The following IGF2BP1 variants were observed in gnomAD, a reference collection of about 807,000 sequenced individuals.
The protein encoded by IGF2BP1 is insulin-like growth factor 2 mRNA-binding protein 1.
A neutral mutation model predicts 74.9 loss-of-function variants in IGF2BP1; 11 were observed. The ratio of observed to expected loss-of-function variants is 0.15; its 90% CI spans 0.09 to 0.24. The LOEUF is 0.24. Among genes scored for constraint, IGF2BP1 ranks in the 10% least tolerant of loss-of-function variants. IGF2BP1 has a pLI of 1.00. For synonymous variants in IGF2BP1, 287 were observed against 281.8 expected (o/e 1.02, Z -0.18); for missense variants, 440 against 757.4 (o/e 0.58, Z 4.92).
intron 2 of IGF2BP1, among the ~76,000 whole-genome samples, chr17:49,020,019 C>G (rs8070176): frequency 1.2e-5 from 1 of 85,886 alleles, no homozygotes; most frequent in African/African-American, 5.1e-5. Context: ...CATATATATA[C>G]ACACACACAC....
chr17:49,043,938 C>A (rs2042081779), intron 10 of IGF2BP1, 29 bp from the exon 11 acceptor site: 1 of 1,610,644 alleles, frequency 6.2e-7, no homozygotes, highest in South Asian at 1.1e-5. Flanking sequence ...ACTTGGGCCC[C>A]CTGGTAACAA....
At chr17:49,042,421 T>G (rs993138930) in intron 9 of IGF2BP1, 44 bp downstream of exon 9, 4 of 1,611,684 alleles carry the variant, frequency 2.5e-6, no homozygotes, top group Non-Finnish European at 3.4e-6. Context: ...TCCTGAGTCT[T>G]AGCAACAGCA....
At chr17:49,007,731 T>G (rs2041566906) in intron 2 of IGF2BP1, among the ~76,000 whole-genome samples, 1 of 152,114 alleles carries the variant, frequency 6.6e-6, no homozygotes, top group South Asian at 2.1e-4. Flanking sequence ...TGGGAGCTGT[T>G]GGGTGGAGTA....
chr17:49,022,355 C>T (rs921406758), intron 2 of IGF2BP1, among the ~76,000 whole-genome samples: 2 of 152,198 alleles, frequency 1.3e-5, no homozygotes, highest in African/African-American at 4.8e-5. Flanking sequence ...TAATAGAAAC[C>T]GGGCCAAGGG....
intron 6 of IGF2BP1, 21 bp from the exon 7 acceptor site, chr17:49,039,936 C>A (rs774436538): frequency 6.2e-7 from 1 of 1,611,466 alleles, no homozygotes; most frequent in South Asian, 1.1e-5. Context: ...AACTAACCAG[C>A]CTTGTCCTTG....
intron 5 of IGF2BP1, among the ~76,000 whole-genome samples, chr17:49,034,649 C>T (rs1271776556): frequency 6.6e-6 from 1 of 150,576 alleles, no homozygotes; most frequent in Non-Finnish European, 1.5e-5. Flanking sequence ...TGCTTGAGCC[C>T]AGGAGGTGGA....
chr17:48,997,717 G>C lies in IGF2BP1; in HGVS notation c.-29G>C. ...GCGCCCGCTCGTTCGGCCTTGCCCG[G>C]GACCGCGTCCTGCCCCGAGACCGCC... is the stretch of plus-strand genomic sequence containing the variant. On this transcript the variant is annotated 5_prime_UTR_variant, in exon 1 of 15. Transcript: ENST00000290341. This position sits in a 1 kb window ranked among gnomAD's most constrained non-coding sequence, Gnocchi z 4.8. 1 of 1,605,238 alleles carries C rather than the reference G, an allele frequency of 6.2e-7. No homozygotes were observed. Among genetic ancestry groups the C allele is most frequent in the Non-Finnish European group, 8.5e-7 (1 of 1,174,998 alleles).
intron 1 of IGF2BP1, among the ~76,000 whole-genome samples, chr17:48,998,544 C>T (rs1324621608): frequency 6.6e-6 from 1 of 152,128 alleles, no homozygotes; most frequent in Non-Finnish European, 1.5e-5. Context: ...TGCTGCTTCC[C>T]GAGACGCCGA....
In IGF2BP1 at chr17:49,038,153, T is replaced by C; in HGVS notation, c.402-15T>C. 9.5e-6 allele frequency: 14 copies of C among 1,481,384 alleles called. No homozygotes were observed. The highest frequency in any genetic ancestry group is 1.2e-5 in the Non-Finnish European group (13 of 1,113,418). 91.8% of individuals were successfully genotyped at this position (1,481,384 alleles called of 1,614,324 possible). On this transcript the variant is annotated splice_polypyrimidine_tract_variant and intron_variant, in intron 5 of 14. Transcript: ENST00000290341. ...ATGGATTGGAATGACCTGTAGACTC[T>C]CACTCTGTCCCCAGAGCCATCATGA...
At chr17:49,016,758 C>G (rs2041708719) in intron 2 of IGF2BP1, among the ~76,000 whole-genome samples, 1 of 151,446 alleles carries the variant, frequency 6.6e-6, no homozygotes, top group Non-Finnish European at 1.5e-5. Flanking sequence ...TGGCCCCTAC[C>G]CCTGCCAGCC....
At position 49,040,011 on chromosome 17, in the gene IGF2BP1, G is replaced by A. The variant is rs369950801; in HGVS notation, c.738G>A (p.Val246=). 6.2e-7 allele frequency: 1 copy of A among 1,613,648 alleles called. No homozygotes were observed. The highest frequency in any genetic ancestry group is 8.5e-7 in the Non-Finnish European group (1 of 1,179,996). Residue 246 remains valine, a synonymous_variant, in exon 7 of 15, where the codon GTG becomes GTA. Coordinates refer to ENST00000290341, the MANE Select transcript of IGF2BP1 (RefSeq NM_006546.4). ...GTGCAGCTGAAAAAGCCATCAGTGT[G>A]CACTCCACCCCTGAGGGCTGCTCCT... ...NAGAAEKAIS[V]HSTPEGCSSA...
intron 7 of IGF2BP1, 66 bp downstream of exon 7, chr17:49,040,157 T>C: frequency 6.4e-7 from 1 of 1,555,088 alleles, no homozygotes; most frequent in Non-Finnish European, 8.8e-7. Context: ...CCAACTCAAC[T>C]TTCAAGCTTT....
intron 2 of IGF2BP1, among the ~76,000 whole-genome samples, chr17:49,009,709 T>G (rs1393298913): frequency 6.8e-6 from 1 of 147,618 alleles, no homozygotes; most frequent in Non-Finnish European, 1.5e-5. Flanking sequence ...AACTCCATCT[T>G]AAAAAAAAAA....
chr17:49,004,682 AAG>A (rs1323958775), intron 2 of IGF2BP1: 1 of 152,166 alleles, frequency 6.6e-6, no homozygotes, highest in Admixed American at 6.5e-5. Context: ...TATCTTGTAA[AAG>A]AGAGACAACA....
chr17:49,006,005 T>G (rs1484807948), intron 2 of IGF2BP1, among the ~76,000 whole-genome samples: 1 of 152,150 alleles, frequency 6.6e-6, no homozygotes, highest in Non-Finnish European at 1.5e-5. Flanking sequence ...GAGGTTGCAG[T>G]GAGCCGAGAT....
intron 14 of IGF2BP1, among the ~76,000 whole-genome samples, chr17:49,047,433 A>G (rs2042118480): frequency 6.6e-6 from 1 of 152,112 alleles, no homozygotes; most frequent in South Asian, 2.1e-4. Context: ...TATGTGGCTT[A>G]TGTATATTAA....
intron 2 of IGF2BP1, among the ~76,000 whole-genome samples, chr17:49,015,254 T>A (rs2041682757): frequency 6.6e-6 from 1 of 152,176 alleles, no homozygotes; most frequent in South Asian, 2.1e-4. Flanking sequence ...ATTATAGGCG[T>A]GAACCACTTT....
intron 2 of IGF2BP1, among the ~76,000 whole-genome samples, chr17:49,023,120 G>A (rs556062274): frequency 2.0e-4 from 30 of 152,322 alleles, no homozygotes; most frequent in Admixed American, 2.0e-3. Context: ...CATCGAATGA[G>A]TTCTAGGAAA....
At position 49,050,233 on chromosome 17, in the gene IGF2BP1, C is replaced by T. The variant is rs115905818; in HGVS notation, c.*789C>T. ...CCCCACCACATTCATGTCCCTCTCC[C>T]GTGTAGGTTTCACATTATGTCCAGG... On this transcript the variant is annotated 3_prime_UTR_variant, in exon 15 of 15. Coordinates refer to ENST00000290341, the MANE Select transcript of IGF2BP1 (RefSeq NM_006546.4). 9.2e-3 allele frequency: 1,412 copies of T among 152,772 alleles called. 9 individuals are homozygous for T. The highest frequency in any genetic ancestry group is 0.031 in the Middle Eastern group (9 of 294). 9.5% of individuals were successfully genotyped at this position (152,772 alleles called of 1,614,324 possible). A position where few individuals can be genotyped will look rare whatever the true frequency, so the allele number is the denominator to read the frequency against.
Sources: allele counts gnomAD v4.1 joint callset (sites outside exome capture counted in the v4.1 genomes callset), GRCh38; gene constraint gnomAD v4.1.1; non-coding constraint Gnocchi (gnomAD v3.1); transcripts MANE v1.5; gene names NCBI Gene and HGNC (gene_info 2026-07-23, HGNC 2026-07-21).